The following DYNC1H1 variants were observed in gnomAD, a reference collection of about 807,000 sequenced individuals.
DYNC1H1 encodes the protein dynein cytoplasmic 1 heavy chain 1, also known as cytoplasmic dynein 1 heavy chain 1.
A neutral mutation model predicts 527.1 loss-of-function variants in DYNC1H1; 51 were observed. That is an observed-to-expected ratio of 0.10 (90% CI 0.08 to 0.12). The LOEUF (loss-of-function observed/expected upper bound fraction) is 0.12, where lower values mean the gene tolerates loss of function less well. Among genes scored for constraint, DYNC1H1 ranks in the 10% least tolerant of loss-of-function variants. The probability of loss-of-function intolerance (pLI) is 1.00; values close to 1 mark genes in which losing one functional copy is unlikely to be tolerated. For missense variants in DYNC1H1, 2,771 were observed against 5,971.8 expected (o/e 0.46, Z 17.66); for synonymous variants, 2,189 against 2,278.8 (o/e 0.96, Z 1.12).
chr14:102,007,166 A>G (rs1032989487), intron 28 of DYNC1H1, 58 bp downstream of exon 28: 2 of 1,570,210 alleles, frequency 1.3e-6, no homozygotes, highest in Non-Finnish European at 1.8e-6. Flanking sequence ...TCATTTGGGG[A>G]ATATCAAGCT....
At position 102,043,951 on chromosome 14, in the gene DYNC1H1, C is replaced by T. The variant is rs2048683611; in HGVS notation, c.12590C>T (p.Ala4197Val). The change falls in exon 70 of 78, where the codon GCA becomes GTA. Residue 4197 changes from alanine (A) to valine (V), a missense_variant. Transcript: ENST00000360184. ...ATCATCCAAGAACGCTTACGATACG[C>T]ACCACTGGGGTGGTCAAAGAAGTAT... Reference protein sequence around the residue: ...HAIIQERLRYAPLGWSKKYEF... With the variant: ...HAIIQERLRYVPLGWSKKYEF... The T allele has an allele frequency of 2.5e-6, 4 of 1,614,248 alleles. No individual in the cohort carries two copies. Among genetic ancestry groups the T allele is most frequent in the Non-Finnish European group, 2.5e-6 (3 of 1,180,054 alleles).
In DYNC1H1 at chr14:102,028,069, G is replaced by C. The variant is rs1038533453; in HGVS notation, c.9396G>C (p.Lys3132Asn). The change falls in exon 48 of 78, where the codon AAG (lysine) becomes AAC (asparagine). Residue 3132 changes from lysine (K) to asparagine (N), a missense_variant. Around this residue, in one of 32 missense-constraint regions of DYNC1H1, gnomAD observed 67 missense variants for 128.2 expected, o/e 0.52. Transcript: ENST00000360184. ...ATTACATGCCAGTTGTGTATGATAA[G>C]CTGCCGCAGCCACCATCCCATCGGG... ...VPDYMPVVYD[K>N]LPQPPSHREA... The C allele has an allele frequency of 6.2e-7, 1 of 1,614,080 alleles. No homozygotes were observed. Among genetic ancestry groups the C allele is most frequent in the Non-Finnish European group, 8.5e-7 (1 of 1,180,050 alleles).
Position 102,049,126 on chromosome 14 carries a change from A to C in DYNC1H1, c.13373-314A>C. On this transcript the variant is annotated intron_variant, in intron 74 of 77. Transcript: ENST00000360184. This position sits in a 1 kb window ranked among gnomAD's most constrained non-coding sequence, Gnocchi z 5.5. ...AAAGCCCTAATTGCCAGGAACACTG[A>C]GCCACTTGTGTGACATGAGGTTTTA... 1 of 460,934 alleles carries C rather than the reference A, an allele frequency of 2.2e-6. No individual in the cohort carries two copies. The highest frequency in any genetic ancestry group is 2.1e-5 in the South Asian group (1 of 48,346). 28.6% of individuals were successfully genotyped at this position (460,934 alleles called of 1,614,324 possible).
rs751458340 is a variant in DYNC1H1, at chr14:102,044,522, T to A, written c.12902+31T>A. 1.5e-5 allele frequency: 25 copies of A among 1,614,052 alleles called. No individual in the cohort carries two copies. Among genetic ancestry groups the A allele is most frequent in the Non-Finnish European group, 2.0e-5 (24 of 1,179,974 alleles). On this transcript the variant is annotated intron_variant, in intron 71 of 77. Coordinates refer to ENST00000360184, the MANE Select transcript of DYNC1H1 (RefSeq NM_001376.5). This position sits in a 1 kb window ranked among gnomAD's most constrained non-coding sequence, Gnocchi z 7.1. ...CTGCTGCCTGCTGGAATGGAGACAG[T>A]TGTGATGTCAGGGCGTCTGGTGTCA...
In DYNC1H1 at chr14:102,053,766, TGA is replaced by T. The variant is rs2048848580; in HGVS notation, c.*3206_*3207del. ...CTCTTTGTTTGTTTTTTTTTTTTTT[TGA>T]GACAGTCTGGCTCTGTCACTGAGGC... On this transcript the variant is annotated 3_prime_UTR_variant, in exon 78 of 78. Coordinates refer to ENST00000360184, the MANE Select transcript of DYNC1H1 (RefSeq NM_001376.5). 1 of 150,014 alleles carries T rather than the reference TGA, an allele frequency of 6.7e-6. No individual in the cohort carries two copies. Among genetic ancestry groups the T allele is most frequent in the African/African-American group, 2.5e-5 (1 of 40,734 alleles). 9.3% of individuals were successfully genotyped at this position (150,014 alleles called of 1,614,324 possible). A position where few individuals can be genotyped will look rare whatever the true frequency, so the allele number is the denominator to read the frequency against.
At position 101,965,346 on chromosome 14, in the gene DYNC1H1, G is replaced by C. The variant is rs1481501729; in HGVS notation, c.256+399G>C. ...TCTCCCTGGGCTGAGAGCGGGCGAG[G>C]CCGCATCCCTGCCTCCAGTGTCACA... On this transcript the variant is annotated intron_variant, in intron 1 of 77. Coordinates refer to ENST00000360184, the MANE Select transcript of DYNC1H1 (RefSeq NM_001376.5). The surrounding 1 kb of genome is among the most constrained non-coding windows in gnomAD (Gnocchi z 4.1). 6.6e-6 allele frequency among the ~76,000 whole-genome samples: 1 copy of C among 152,232 alleles called. No homozygotes were observed. The highest frequency in any genetic ancestry group is 1.5e-5 in the Non-Finnish European group (1 of 68,034).
In DYNC1H1 at chr14:102,016,035, C is replaced by T; in HGVS notation, c.7422C>T (p.Ala2474=). ...GCCGCAACGTGGCGCAGTATAACGC[C>T]AACCATCCCGACTTCCCCATGCAGA... ...QACRNVAQYN[A]NHPDFPMQIE... The change falls in exon 36 of 78, where the codon GCC becomes GCT. Residue 2474 remains alanine, a synonymous_variant. Transcript: ENST00000360184. The surrounding 1 kb of genome is among the most constrained non-coding windows in gnomAD (Gnocchi z 7.3). The T allele has an allele frequency of 6.2e-7, 1 of 1,613,574 alleles. No homozygotes were observed. Among genetic ancestry groups the T allele is most frequent in the Non-Finnish European group, 8.5e-7 (1 of 1,179,944 alleles).
chr14:101,992,637 T>G (rs1356354324), intron 11 of DYNC1H1, among the ~76,000 whole-genome samples: 1 of 152,152 alleles, frequency 6.6e-6, no homozygotes, highest in Non-Finnish European at 1.5e-5. Context: ...CCATGTCCCC[T>G]GCAATCTTCA....
chr14:102,001,814 C>T lies in DYNC1H1; in HGVS notation c.4542+133C>T. On this transcript the variant is annotated intron_variant, in intron 21 of 77. Transcript: ENST00000360184. The surrounding 1 kb of genome is among the most constrained non-coding windows in gnomAD (Gnocchi z 5.0). ...TGAGACAGGGTCTCACTCTGTCTCC[C>T]ACGCTGGAGTGCAGTGGCACCATCA... 7.9e-7 allele frequency: 1 copy of T among 1,265,678 alleles called. No homozygotes were observed. The allele number at this position is 1,265,678 out of a possible 1,614,324, so 78.4% of individuals were successfully genotyped here. A position where few individuals can be genotyped will look rare whatever the true frequency, so the allele number is the denominator to read the frequency against.
At chr14:102,013,884 C>G in intron 34 of DYNC1H1, among the ~76,000 whole-genome samples, 1 of 152,018 alleles carries the variant, frequency 6.6e-6, no homozygotes, top group Non-Finnish European at 1.5e-5. Flanking sequence ...TTAAAGCATG[C>G]GTGGGATTTG....
In DYNC1H1 at chr14:101,964,958, G is replaced by C. The variant is rs1487769546; in HGVS notation, c.256+11G>C. ...GCTCCACGCTCAAAGGTGCGGGGCC[G>C]CGGAGGGCAGGGTCGCCAGAGCCAG... On this transcript the variant is annotated intron_variant, in intron 1 of 77. Coordinates refer to ENST00000360184, the MANE Select transcript of DYNC1H1 (RefSeq NM_001376.5). The surrounding 1 kb of genome is among the most constrained non-coding windows in gnomAD (Gnocchi z 5.5). 1.9e-6 allele frequency: 3 copies of C among 1,587,360 alleles called. No homozygotes were observed. Among genetic ancestry groups the C allele is most frequent in the African/African-American group, 2.7e-5 (2 of 74,590 alleles).
At position 102,040,220 on chromosome 14, in the gene DYNC1H1, G is replaced by A; in HGVS notation, c.11691-16G>A. 6.2e-7 allele frequency: 1 copy of A among 1,614,074 alleles called. No individual in the cohort carries two copies. Among genetic ancestry groups the A allele is most frequent in the South Asian group, 1.1e-5 (1 of 91,074 alleles). ...GAACGTGAGAGACCCTAGCTAACCT[G>A]TTGCACCCTTCGCAGGGAGCCCACC... On this transcript the variant is annotated splice_polypyrimidine_tract_variant and intron_variant, in intron 62 of 77. Transcript: ENST00000360184.
chr14:101,977,496 AT>A lies in DYNC1H1; in HGVS notation c.344+1699del, dbSNP rs17540652. Among the ~76,000 whole-genome samples, 602 of 152,360 alleles carry A rather than the reference AT, an allele frequency of 4.0e-3. 17 individuals are homozygous for A. The highest frequency in any genetic ancestry group is 0.035 in the Admixed American group (536 of 15,304). ...GTGTGTATTTCCTAAGAACAAGGAC[AT>A]TCTCATTCGTAGCCTCAGTACAATG... On this transcript the variant is annotated intron_variant, in intron 2 of 77. Transcript: ENST00000360184.
chr14:102,018,545 C>T lies in DYNC1H1; in HGVS notation c.8272C>T (p.Leu2758Phe). ...YGTFNRAMLRLIPSLRTYAEP... is the reference protein window; with the variant it reads ...YGTFNRAMLRFIPSLRTYAEP... ...CACCTTCAACCGCGCCATGCTGAGG[C>T]TCATTCCATCCCTGCGGACGTATGC... Residue 2758 changes from leucine to phenylalanine, a missense_variant, in exon 41 of 78, where the codon CTC becomes TTC. By Grantham distance (22) the Leu-to-Phe change is conservative. Coordinates refer to ENST00000360184, the MANE Select transcript of DYNC1H1 (RefSeq NM_001376.5). The surrounding 1 kb of genome is among the most constrained non-coding windows in gnomAD (Gnocchi z 5.2). The T allele has an allele frequency of 1.9e-6, 3 of 1,614,130 alleles. No individual in the cohort carries two copies. Among genetic ancestry groups the T allele is most frequent in the Non-Finnish European group, 1.7e-6 (2 of 1,180,052 alleles).
Position 102,027,872 on chromosome 14 carries a change from G to T in DYNC1H1, c.9263+39G>T. On this transcript the variant is annotated intron_variant, in intron 47 of 77. Transcript: ENST00000360184. The surrounding 1 kb of genome is among the most constrained non-coding windows in gnomAD (Gnocchi z 7.7). Reference sequence around the variant, plus strand: ...TACTTGGCTCTGGGTCAGGAAAGTCGGTGTCCTTCCAAGGGACAAAGCCTG... The same window carrying T: ...TACTTGGCTCTGGGTCAGGAAAGTCTGTGTCCTTCCAAGGGACAAAGCCTG... 6.2e-7 allele frequency: 1 copy of T among 1,614,092 alleles called. No individual in the cohort carries two copies. The highest frequency in any genetic ancestry group is 1.1e-5 in the South Asian group (1 of 91,068).
At chr14:101,973,917 A>G (rs975574824) in intron 1 of DYNC1H1, among the ~76,000 whole-genome samples, 1 of 152,300 alleles carries the variant, frequency 6.6e-6, no homozygotes, top group Non-Finnish European at 1.5e-5. Context: ...TCCAGGTTTC[A>G]TAGTTTTTAG....
chr14:102,044,999 C>T lies in DYNC1H1; in HGVS notation c.13006+301C>T, dbSNP rs182134649. On this transcript the variant is annotated intron_variant, in intron 72 of 77. Transcript: ENST00000360184. The surrounding 1 kb of genome is among the most constrained non-coding windows in gnomAD (Gnocchi z 7.1). ...CTAGAAATAACATTTAGATGTTCAT[C>T]TCATATTGAAAAGCAGTTACTGGCT... 1.9e-4 allele frequency: 85 copies of T among 442,436 alleles called. 1 individual carries two copies. Among genetic ancestry groups the T allele is most frequent in the African/African-American group, 1.6e-3 (79 of 50,252 alleles). The allele number at this position is 442,436 out of a possible 1,614,324, so 27.4% of individuals were successfully genotyped here. A position where few individuals can be genotyped will look rare whatever the true frequency, so the allele number is the denominator to read the frequency against.
At chr14:101,984,448 A>AT (rs1224932045) in intron 7 of DYNC1H1, among the ~76,000 whole-genome samples, 1,425 of 89,078 alleles carry the variant, frequency 0.016, 129 homozygotes, top group African/African-American at 0.069. Context: ...TATATATATT[A>AT]TATTTTTTTT....
chr14:102,025,014 G>A (rs72715697), intron 43 of DYNC1H1, among the ~76,000 whole-genome samples: 3,218 of 151,228 alleles, frequency 0.021, 38 homozygotes, highest in Non-Finnish European at 0.031. Context: ...TCTTTATAAG[G>A]TCTTTTGAAG....
Sources: gnomAD v4.1 joint callset for allele counts (sites outside exome capture counted in the v4.1 genomes callset) on GRCh38, gnomAD v4.1.1 for gene constraint, gnomAD v4.1.1 regional missense constraint, Gnocchi (gnomAD v3.1) non-coding constraint, MANE v1.5 for transcripts, NCBI Gene and HGNC (gene_info 2026-07-23, HGNC 2026-07-21) for gene names.